Variants in PRKCA observed in about 807,000 individuals in gnomAD.
PRKCA encodes the protein protein kinase C alpha type.
A neutral mutation model predicts 87.0 loss-of-function variants in PRKCA; 27 were observed. The ratio of observed to expected loss-of-function variants is 0.31; its 90% CI spans 0.23 to 0.43. The LOEUF is 0.43. Ranked by LOEUF, PRKCA falls within the 20% of genes least tolerant of loss-of-function variation. The pLI, the probability that PRKCA is intolerant of heterozygous loss-of-function variation, is 1.00. For synonymous variants in PRKCA, 329 were observed against 311.1 expected (o/e 1.06, Z -0.61); for missense variants, 518 against 852.3 (o/e 0.61, Z 4.88).
At chr17:66,590,010 G>T (rs1969750616) in intron 3 of PRKCA, among the ~76,000 whole-genome samples, 1 of 152,162 alleles carries the variant, frequency 6.6e-6, no homozygotes, top group Admixed American at 6.5e-5. Flanking sequence ...CAGAGCTCAG[G>T]CGGTAATGCT....
intron 3 of PRKCA, among the ~76,000 whole-genome samples, chr17:66,634,897 G>A (rs893768653): frequency 1.3e-5 from 2 of 152,136 alleles, no homozygotes; most frequent in Non-Finnish European, 2.9e-5. Flanking sequence ...AGAGATAAAT[G>A]ATGAAAAATT....
At chr17:66,591,783 T>C (rs915780762) in intron 3 of PRKCA, among the ~76,000 whole-genome samples, 1 of 152,162 alleles carries the variant, frequency 6.6e-6, no homozygotes, top group African/African-American at 2.4e-5. Context: ...GTCTCCCAGG[T>C]CATCCTATTG....
Position 66,593,470 on chromosome 17 carries a change from G to A in PRKCA, c.289-47885G>A, listed in dbSNP as rs1969878306. On this transcript the variant is annotated intron_variant, in intron 3 of 16. Coordinates refer to ENST00000413366, the MANE Select transcript of PRKCA (RefSeq NM_002737.3). ...CTCTGTGCACAGCCCACTAGCCCAA[G>A]CCCAGTAAAGCAGTTGCATATAACT... Among the ~76,000 whole-genome samples, 4 of 152,306 alleles carry A rather than the reference G, an allele frequency of 2.6e-5. No homozygotes were observed. The South Asian group carries it at 8.3e-4, about 32-fold the overall frequency.
At chr17:66,548,978 G>A (rs1968241655) in intron 3 of PRKCA, among the ~76,000 whole-genome samples, 1 of 151,818 alleles carries the variant, frequency 6.6e-6, no homozygotes. Context: ...GCTAATTTTT[G>A]TATTTTTTGG....
intron 3 of PRKCA, among the ~76,000 whole-genome samples, chr17:66,573,744 C>T (rs990231596): frequency 1.1e-4 from 17 of 152,238 alleles, no homozygotes; most frequent in Admixed American, 4.6e-4. Context: ...TTTTGAAGTG[C>T]GACATTCACC....
rs373802548 is a variant in PRKCA, at chr17:66,735,478, C to T, written c.1057-11C>T. 37 of 1,614,000 alleles carry T rather than the reference C, an allele frequency of 2.3e-5. No homozygotes were observed. The highest frequency in any genetic ancestry group is 1.6e-4 in the Middle Eastern group (1 of 6,084). On this transcript the variant is annotated splice_polypyrimidine_tract_variant and intron_variant, in intron 9 of 16. Transcript: ENST00000413366. The stretch of plus-strand genomic sequence containing the variant: ...TTACAAGTGTTCAGGTTGTTCTTGA[C>T]GTGTTCTCAGGTGATGCTTGCCGAC...
At chr17:66,778,845 C>CAAAA (rs1231493421) in intron 14 of PRKCA, among the ~76,000 whole-genome samples, 1 of 61,312 alleles carries the variant, frequency 1.6e-5, no homozygotes, top group Non-Finnish European at 3.3e-5. Context: ...ACCCTGTCTC[C>CAAAA]AAAAAAAAAA....
chr17:66,790,866 C>G (rs1975517415), intron 16 of PRKCA, among the ~76,000 whole-genome samples: 1 of 151,776 alleles, frequency 6.6e-6, no homozygotes, highest in African/African-American at 2.4e-5. Context: ...GCTCCGCAGG[C>G]AAGAATGTGA....
At chr17:66,643,551 T>C (rs996588320) in intron 4 of PRKCA, among the ~76,000 whole-genome samples, 21 of 152,250 alleles carry the variant, frequency 1.4e-4, no homozygotes, top group Non-Finnish European at 2.5e-4. Context: ...TAGATTCTGC[T>C]TTAGACTTTG....
intron 14 of PRKCA, among the ~76,000 whole-genome samples, chr17:66,776,090 C>T (rs912439179): frequency 1.3e-5 from 2 of 152,150 alleles, no homozygotes; most frequent in Non-Finnish European, 2.9e-5. Context: ...TGTGCAGCCA[C>T]GTTTAAGAAA....
At chr17:66,747,621 G>A (rs1009734506) in intron 13 of PRKCA, among the ~76,000 whole-genome samples, 2 of 152,314 alleles carry the variant, frequency 1.3e-5, no homozygotes, top group South Asian at 2.1e-4. Flanking sequence ...GAGCCCGTAC[G>A]TTCTTTTTAC....
chr17:66,373,424 A>G (rs1385030041), intron 2 of PRKCA, among the ~76,000 whole-genome samples: 2 of 152,172 alleles, frequency 1.3e-5, no homozygotes, highest in African/African-American at 2.4e-5. Flanking sequence ...CCAAAAGCCC[A>G]TGTACTTTCT....
chr17:66,513,630 T>G (rs75303197), intron 3 of PRKCA, among the ~76,000 whole-genome samples: 3,485 of 152,298 alleles, frequency 0.023, 129 homozygotes, highest in African/African-American at 0.079. Context: ...TAGATTGTCC[T>G]CTGCAGTCAT....
At chr17:66,333,356 T>G (rs1276965708) in intron 2 of PRKCA, among the ~76,000 whole-genome samples, 1 of 152,242 alleles carries the variant, frequency 6.6e-6, no homozygotes, top group Non-Finnish European at 1.5e-5. Context: ...ACTCAATCTT[T>G]AACTCATATT....
chr17:66,469,530 A>C (rs920528866), intron 2 of PRKCA, among the ~76,000 whole-genome samples: 1 of 152,220 alleles, frequency 6.6e-6, no homozygotes, highest in African/African-American at 2.4e-5. Context: ...TAGGTATCTG[A>C]GCAATTCATT....
At chr17:66,533,260 A>G (rs1438618359) in intron 3 of PRKCA, among the ~76,000 whole-genome samples, 1 of 152,144 alleles carries the variant, frequency 6.6e-6, no homozygotes, top group Non-Finnish European at 1.5e-5. Flanking sequence ...CTCTTAACCA[A>G]TGTATCTGCA....
At chr17:66,528,148 G>A (rs925640025) in intron 3 of PRKCA, among the ~76,000 whole-genome samples, 1 of 149,890 alleles carries the variant, frequency 6.7e-6, no homozygotes, top group African/African-American at 2.5e-5. Context: ...AACCCGGGAG[G>A]CAGAGGTTGC....
At position 66,776,788 on chromosome 17, in the gene PRKCA, C is replaced by G. The variant is rs979990482; in HGVS notation, c.1605+2721C>G. ...TTCCAGGGTCTTACATCTCTTCTCC[C>G]CTGATTCTTCCCTTGGGTTGGGCTG... On this transcript the variant is annotated intron_variant, in intron 14 of 16. Transcript: ENST00000413366. Among the ~76,000 whole-genome samples the G allele has an allele frequency of 4.2e-4, 64 of 152,176 alleles. 3 individuals are homozygous for G. Among genetic ancestry groups the G allele is most frequent in the Non-Finnish European group, 2.9e-5 (2 of 68,034 alleles).
At chr17:66,581,136 A>AT (rs1969418064) in intron 3 of PRKCA, among the ~76,000 whole-genome samples, 1 of 152,110 alleles carries the variant, frequency 6.6e-6, no homozygotes, top group Admixed American at 6.6e-5. Context: ...TGCCTTGTTT[A>AT]TTTTTTATCA....
Sources: gnomAD v4.1 joint callset for allele counts (sites outside exome capture counted in the v4.1 genomes callset) on GRCh38, gnomAD v4.1.1 for gene constraint, MANE v1.5 for transcripts, NCBI Gene and HGNC (gene_info 2026-07-23, HGNC 2026-07-21) for gene names.